Variants in CD38 observed in about 807,000 individuals in gnomAD.
CD38 encodes the protein ADP-ribosyl cyclase/cyclic ADP-ribose hydrolase 1.
Under a neutral mutation model 36.3 loss-of-function variants are expected in CD38, and 31 were observed. The ratio of observed to expected loss-of-function variants is 0.85; its 90% CI spans 0.64 to 1.15. The LOEUF (loss-of-function observed/expected upper bound fraction) is 1.15. Ranked by LOEUF, CD38 falls within the 50% of genes most tolerant of loss-of-function variation. The pLI, the probability that CD38 is intolerant of heterozygous loss-of-function variation, is 0.00. For synonymous variants in CD38, 131 were observed against 135.2 expected (o/e 0.97, Z 0.22); for missense variants, 380 against 371.9 (o/e 1.02, Z -0.18).
chr4:15,799,053 G>A (rs1212832254), intron 1 of CD38, among the ~76,000 whole-genome samples: 1 of 152,098 alleles, frequency 6.6e-6, no homozygotes, highest in Non-Finnish European at 1.5e-5. Flanking sequence ...TTCTTTTAGG[G>A]TTGTGCCTTT....
At chr4:15,790,362 G>C (rs1420463029) in intron 1 of CD38, among the ~76,000 whole-genome samples, 13 of 151,742 alleles carry the variant, frequency 8.6e-5, no homozygotes, top group African/African-American at 2.9e-4. Flanking sequence ...TTTTTTGGTG[G>C]AGACGGGGTT....
chr4:15,799,001 T>C (rs1332154827), intron 1 of CD38, among the ~76,000 whole-genome samples: 1 of 152,208 alleles, frequency 6.6e-6, no homozygotes. Context: ...ATTTATCACG[T>C]CCCTTATTTA....
intron 1 of CD38, among the ~76,000 whole-genome samples, chr4:15,798,713 C>G (rs1723152518): frequency 6.6e-6 from 1 of 152,184 alleles, no homozygotes; most frequent in Non-Finnish European, 1.5e-5. Context: ...GTGTAAAGTC[C>G]TCATTGCTAT....
At chr4:15,840,669 C>A in intron 7 of CD38, 131 bp downstream of exon 7, 1 of 607,638 alleles carries the variant, frequency 1.6e-6, no homozygotes, top group Non-Finnish European at 2.9e-6. Context: ...TCACAGATGG[C>A]AACCTCTGGT....
chr4:15,788,213 G>T (rs1722883797), intron 1 of CD38, among the ~76,000 whole-genome samples: 1 of 152,172 alleles, frequency 6.6e-6, no homozygotes, highest in African/African-American at 2.4e-5. Context: ...CCCATGATGG[G>T]CATTGCTGAT....
chr4:15,826,246 A>T (rs1453602696), intron 3 of CD38, among the ~76,000 whole-genome samples: 2 of 152,174 alleles, frequency 1.3e-5, no homozygotes, highest in Non-Finnish European at 2.9e-5. Flanking sequence ...TTTGATATAG[A>T]TCTTTCTAGA....
chr4:15,797,243 T>A (rs976086614), intron 1 of CD38, among the ~76,000 whole-genome samples: 7 of 152,222 alleles, frequency 4.6e-5, no homozygotes, highest in Non-Finnish European at 2.9e-5. Flanking sequence ...AATATATTTT[T>A]GTGATTTTAA....
intron 1 of CD38, among the ~76,000 whole-genome samples, chr4:15,813,221 C>T (rs1723510857): frequency 6.6e-6 from 1 of 152,076 alleles, no homozygotes; most frequent in African/African-American, 2.4e-5. Context: ...AGCATCCAGT[C>T]TTTTGCCATT....
chr4:15,816,798 G>T (rs1455265489), intron 2 of CD38, 158 bp downstream of exon 2: 2 of 736,934 alleles, frequency 2.7e-6, no homozygotes, highest in East Asian at 2.8e-5. Flanking sequence ...CCATTGAGGG[G>T]CCATGATATA....
intron 4 of CD38, among the ~76,000 whole-genome samples, 178 bp from the exon 5 acceptor site, chr4:15,837,914 T>A (rs960542781): frequency 3.9e-5 from 6 of 152,218 alleles, no homozygotes; most frequent in Non-Finnish European, 7.3e-5. Flanking sequence ...AACTCTGATA[T>A]GAAGCATAAT....
chr4:15,835,178 C>T (rs963468956), intron 4 of CD38, among the ~76,000 whole-genome samples: 12 of 151,848 alleles, frequency 7.9e-5, no homozygotes, highest in African/African-American at 2.4e-5. Flanking sequence ...TACCTATCTC[C>T]TCCTCCTCCT....
intron 7 of CD38, among the ~76,000 whole-genome samples, chr4:15,847,950 T>C (rs1724299145): frequency 6.6e-6 from 1 of 152,120 alleles, no homozygotes; most frequent in African/African-American, 2.4e-5. Flanking sequence ...AGGTGACACA[T>C]CACAAGGGCA....
chr4:15,851,579 A>G lies in CD38; in HGVS notation c.*2977A>G, dbSNP rs998183872. On this transcript the variant is annotated 3_prime_UTR_variant, in exon 8 of 8. Coordinates refer to ENST00000226279, the MANE Select transcript of CD38 (RefSeq NM_001775.4). ...TTATAATGTTTGAGGCACCTTTTCA[A>G]ATATAGTCCTTTGATTTCAGACTGA... is the stretch of plus-strand genomic sequence containing the variant. 6.6e-6 allele frequency: 1 copy of G among 152,158 alleles called. No homozygotes were observed. Among genetic ancestry groups the G allele is most frequent in the Non-Finnish European group, 1.5e-5 (1 of 68,052 alleles). 9.4% of individuals were successfully genotyped at this position (152,158 alleles called of 1,614,324 possible). A position where few individuals can be genotyped will look rare whatever the true frequency, so the allele number is the denominator to read the frequency against.
rs181308237 is a variant in CD38, at chr4:15,781,022, C to T, written c.233+2375C>T. Among the ~76,000 whole-genome samples, 322 of 152,202 alleles carry T rather than the reference C, an allele frequency of 2.1e-3. 1 individual carries two copies. The highest frequency in any genetic ancestry group is 2.4e-3 in the Non-Finnish European group (165 of 68,008). On this transcript the variant is annotated intron_variant, in intron 1 of 7. Transcript: ENST00000226279. Reference sequence around the variant, plus strand: ...ACTCTGGAGACTGAGGTGGGAGAATCGCTTGAACCCAGGAGGAGGAGGTAG... The same window carrying T: ...ACTCTGGAGACTGAGGTGGGAGAATTGCTTGAACCCAGGAGGAGGAGGTAG...
chr4:15,837,754 T>C (rs1724100243), intron 4 of CD38, among the ~76,000 whole-genome samples: 1 of 152,196 alleles, frequency 6.6e-6, no homozygotes, highest in Non-Finnish European at 1.5e-5. Flanking sequence ...ATGTTTACAG[T>C]GCATGACACT....
intron 1 of CD38, among the ~76,000 whole-genome samples, chr4:15,806,557 T>C (rs1172979383): frequency 6.6e-6 from 1 of 152,176 alleles, no homozygotes; most frequent in Non-Finnish European, 1.5e-5. Context: ...TGCTCTTTGG[T>C]GATCATGACT....
chr4:15,793,666 T>C (rs1723052132), intron 1 of CD38, among the ~76,000 whole-genome samples: 1 of 152,132 alleles, frequency 6.6e-6, no homozygotes, highest in African/African-American at 2.4e-5. Context: ...TGAGAACAGA[T>C]GGTAGCAGGA....
chr4:15,813,732 A>G (rs1340470226), intron 1 of CD38, among the ~76,000 whole-genome samples: 1 of 152,172 alleles, frequency 6.6e-6, no homozygotes, highest in African/African-American at 2.4e-5. Context: ...TTTAGCTGAG[A>G]ATGATGGCTT....
At chr4:15,819,190 T>G (rs1173082810) in intron 2 of CD38, among the ~76,000 whole-genome samples, 1 of 151,194 alleles carries the variant, frequency 6.6e-6, no homozygotes, top group East Asian at 1.9e-4. Flanking sequence ...CTGTCAGGGG[T>G]GGGTGCTAGG....
Sources: gnomAD v4.1 joint callset for allele counts (sites outside exome capture counted in the v4.1 genomes callset) on GRCh38, gnomAD v4.1.1 for gene constraint, MANE v1.5 for transcripts, NCBI Gene and HGNC (gene_info 2026-07-23, HGNC 2026-07-21) for gene names.